Variants in RASAL1 observed in about 807,000 individuals in gnomAD.
RASAL1 encodes RAS protein activator like 1, also known as rasGAP-activating-like protein 1.
Under a neutral mutation model 96.6 loss-of-function variants are expected in RASAL1, and 72 were observed. That is an observed-to-expected ratio of 0.75 (90% CI 0.62 to 0.91). The LOEUF is 0.91. Among genes scored for constraint, RASAL1 ranks in the 40% least tolerant of loss-of-function variants. The pLI, the probability that RASAL1 is intolerant of heterozygous loss-of-function variation, is 0.00. For missense variants in RASAL1, 1,016 were observed against 1,072.5 expected, an observed-to-expected ratio of 0.95 and a Z score of 0.74; for synonymous variants, 405 against 430.4, an observed-to-expected ratio of 0.94 and a Z score of 0.73.
At chr12:113,128,035 C>A (rs974447124) in intron 3 of RASAL1, 30 bp downstream of exon 3, 10 of 1,606,606 alleles carry the variant, frequency 6.2e-6, no homozygotes, top group Non-Finnish European at 7.7e-6. Context: ...GGTCCCTAAC[C>A]CACACATTCC....
At chr12:113,119,298 A>T (rs1278979319) in intron 6 of RASAL1, 39 bp from the exon 7 acceptor site, 1 of 1,611,550 alleles carries the variant, frequency 6.2e-7, no homozygotes, top group Admixed American at 1.7e-5. Context: ...GGGAGAGCTG[A>T]TGGGGACTCC....
intron 18 of RASAL1, 62 bp from the exon 19 acceptor site, chr12:113,102,071 CA>C (rs1950469480): frequency 1.3e-6 from 2 of 1,569,236 alleles, no homozygotes; most frequent in East Asian, 4.5e-5. Context: ...CCTCCACAGC[CA>C]GGCATTCGCC....
At chr12:113,131,220 G>A (rs1254984074) in intron 1 of RASAL1, among the ~76,000 whole-genome samples, 3 of 134,858 alleles carry the variant, frequency 2.2e-5, no homozygotes, top group Non-Finnish European at 4.7e-5. Flanking sequence ...GCCTCGAAAA[G>A]CCCAAAGCAG....
At chr12:113,127,965 A>G in intron 3 of RASAL1, 92 bp from the exon 4 acceptor site, 1 of 1,549,892 alleles carries the variant, frequency 6.5e-7, no homozygotes, top group Non-Finnish European at 8.9e-7. Context: ...TCTGGGTGGG[A>G]GGGCACACCC....
At chr12:113,100,907 G>A (rs755873454) in intron 19 of RASAL1, among the ~76,000 whole-genome samples, 1 of 152,124 alleles carries the variant, frequency 6.6e-6, no homozygotes, top group Non-Finnish European at 1.5e-5. Context: ...TATGAGGTAG[G>A]TATTTACTAT....
Position 113,115,913 on chromosome 12 carries a change from T to C in RASAL1, c.849+21A>G, listed in dbSNP as rs575874282. 1.3e-6 allele frequency: 2 copies of C among 1,583,940 alleles called. No individual in the cohort carries two copies. The highest frequency in any genetic ancestry group is 2.2e-5 in the East Asian group (1 of 44,498). On this transcript the variant is annotated intron_variant, in intron 9 of 20. Coordinates refer to ENST00000548055, the MANE Select transcript of RASAL1 (RefSeq NM_001301202.2). The surrounding 1 kb of genome is among the most constrained non-coding windows in gnomAD (Gnocchi z 4.1). ...GACCCCCGGCACCCGCCTGATAGCA[T>C]TGCTTGCCTGACGCACCCACCTCTG...
chr12:113,134,772 G>C lies in RASAL1; in HGVS notation c.65+626C>G, dbSNP rs73439822. ...CCCCCAGTCCCATTGCACCTGGCTG[G>C]GGAGGGGGTCGCAGCAAGGAATTGG... On this transcript the variant is annotated intron_variant, in intron 1 of 20. Coordinates refer to ENST00000548055, the MANE Select transcript of RASAL1 (RefSeq NM_001301202.2). Among the ~76,000 whole-genome samples, 779 of 152,266 alleles carry C rather than the reference G, an allele frequency of 5.1e-3. 3 individuals are homozygous for C. Among genetic ancestry groups the C allele is most frequent in the African/African-American group, 0.017 (714 of 41,552 alleles).
Position 113,135,347 on chromosome 12 carries a change from C to T in RASAL1, c.65+51G>A. 6.5e-7 allele frequency: 1 copy of T among 1,549,760 alleles called. No individual in the cohort carries two copies. Among genetic ancestry groups the T allele is most frequent in the Non-Finnish European group, 8.8e-7 (1 of 1,138,854 alleles). Reference sequence around the variant, plus strand: ...CACGCGGAAAGGGCGACGTCGGCCCCACCCCAGGCCTTGCGCGCCCCTCAC... The same window carrying T: ...CACGCGGAAAGGGCGACGTCGGCCCTACCCCAGGCCTTGCGCGCCCCTCAC... On this transcript the variant is annotated intron_variant, in intron 1 of 20. Coordinates refer to ENST00000548055, the MANE Select transcript of RASAL1 (RefSeq NM_001301202.2). This position sits in a 1 kb window ranked among gnomAD's most constrained non-coding sequence, Gnocchi z 5.7.
intron 16 of RASAL1, among the ~76,000 whole-genome samples, chr12:113,104,702 A>G (rs1312785311): frequency 6.6e-6 from 1 of 151,860 alleles, no homozygotes; most frequent in Admixed American, 6.6e-5. Context: ...GGGTTTCACT[A>G]TGTTGGCCAG....
At chr12:113,107,907 T>C (rs960842781) in intron 14 of RASAL1, among the ~76,000 whole-genome samples, 178 bp downstream of exon 14, 30 of 152,150 alleles carry the variant, frequency 2.0e-4, no homozygotes, top group African/African-American at 7.2e-4. Flanking sequence ...AAAGGGGAAA[T>C]TGGAGTGCAT....
intron 19 of RASAL1, 101 bp downstream of exon 19, chr12:113,101,788 A>G: frequency 7.0e-7 from 1 of 1,436,330 alleles, no homozygotes; most frequent in Non-Finnish European, 9.3e-7. Flanking sequence ...ATATCCACCA[A>G]CACACATGGG....
intron 5 of RASAL1, among the ~76,000 whole-genome samples, chr12:113,121,029 G>A (rs1038775860): frequency 1.3e-5 from 2 of 152,300 alleles, no homozygotes; most frequent in Middle Eastern, 3.4e-3. Context: ...CAGGGTGCCC[G>A]CCTGGAGTTG....
In RASAL1 at chr12:113,115,177, C is replaced by A; in HGVS notation, c.1068+23G>T. 1.2e-6 allele frequency: 2 copies of A among 1,602,654 alleles called. No individual in the cohort carries two copies. The highest frequency in any genetic ancestry group is 1.1e-5 in the South Asian group (1 of 90,724). ...GGTACCCGAGGAAGCTGCGCCTGGTCCCGCAGGCCTTCACCTACTCACCTT... is the reference window on the plus strand; with the variant it reads ...GGTACCCGAGGAAGCTGCGCCTGGTACCGCAGGCCTTCACCTACTCACCTT... On this transcript the variant is annotated intron_variant, in intron 11 of 20. Transcript: ENST00000548055. This position sits in a 1 kb window ranked among gnomAD's most constrained non-coding sequence, Gnocchi z 4.1.
At chr12:113,113,908 G>A (rs982265236) in intron 12 of RASAL1, among the ~76,000 whole-genome samples, 7 of 152,122 alleles carry the variant, frequency 4.6e-5, no homozygotes, top group African/African-American at 1.7e-4. Flanking sequence ...CTCAGAGACC[G>A]CCAACACCAC....
chr12:113,105,595 G>T (rs1950615236), intron 16 of RASAL1, 119 bp downstream of exon 16: 3 of 1,114,220 alleles, frequency 2.7e-6, no homozygotes, highest in African/African-American at 1.6e-5. Context: ...TTGTTAAGTT[G>T]CTATGGCATC....
intron 16 of RASAL1, 99 bp from the exon 17 acceptor site, chr12:113,104,397 A>C: frequency 8.0e-7 from 1 of 1,250,184 alleles, no homozygotes; most frequent in Non-Finnish European, 1.1e-6. Flanking sequence ...GTCAGTTCCC[A>C]GCGGCGGGAC....
intron 13 of RASAL1, 42 bp from the exon 14 acceptor site, chr12:113,108,264 A>G (rs1433628291): frequency 6.3e-7 from 1 of 1,575,924 alleles, no homozygotes; most frequent in East Asian, 2.3e-5. Flanking sequence ...CCCCAAACCC[A>G]CTTCTCAGCT....
At chr12:113,111,884 GC>G (rs1950875525) in intron 13 of RASAL1, among the ~76,000 whole-genome samples, 1 of 152,184 alleles carries the variant, frequency 6.6e-6, no homozygotes, top group South Asian at 2.1e-4. Flanking sequence ...ACAGGCGTGA[GC>G]CACTGCGCCC....
intron 14 of RASAL1, chr12:113,107,485 T>C (rs1950689937): frequency 1.7e-6 from 1 of 602,628 alleles, no homozygotes; most frequent in South Asian, 1.5e-5. Context: ...TAGCTGGTCG[T>C]GGTGGCTCAC....
Sources: allele counts gnomAD v4.1 joint callset (sites outside exome capture counted in the v4.1 genomes callset), GRCh38; gene constraint gnomAD v4.1.1; non-coding constraint Gnocchi (gnomAD v3.1); transcripts MANE v1.5; gene names NCBI Gene and HGNC (gene_info 2026-07-23, HGNC 2026-07-21).